Variants in CDK5RAP1 observed in about 807,000 individuals in gnomAD.
CDK5RAP1 encodes the protein mitochondrial tRNA methylthiotransferase CDK5RAP1.
CDK5RAP1 carries 62 observed loss-of-function variants against 64.5 expected under a neutral mutation model. The ratio of observed to expected loss-of-function variants is 0.96; its 90% confidence interval spans 0.78 to 1.19. The LOEUF (loss-of-function observed/expected upper bound fraction) is 1.19, where lower values mean the gene tolerates loss of function less well. Among genes scored for constraint, CDK5RAP1 ranks in the 50% most tolerant of loss-of-function variants. The pLI is 0.00. For missense variants in CDK5RAP1, 657 were observed against 735.0 expected (o/e 0.89, Z 1.23); for synonymous variants, 250 against 261.9 (o/e 0.95, Z 0.44).
rs369620313 is a variant in CDK5RAP1 at position 33,360,359 on chromosome 20, G to C, written c.1675C>G (p.Leu559Val). 10 of 1,613,842 alleles carry C rather than the reference G, an allele frequency of 6.2e-6. No homozygotes were observed. The highest frequency in any genetic ancestry group is 1.1e-5 in the South Asian group (1 of 91,076). Residue 559 changes from leucine to valine, a missense_variant, in exon 13 of 14, where the codon CTG becomes GTG. By Grantham distance (32) the Leu-to-Val change is conservative (BLOSUM62 1). Transcript: ENST00000346416. Reference sequence around the variant, plus strand: ...CCAAAAGGACTCCTCACCTTCACCAGCACATAGTCCCCAGGCTGGGCTCTG... The same window carrying C: ...CCAAAAGGACTCCTCACCTTCACCACCACATAGTCCCCAGGCTGGGCTCTG... ...RVRAQPGDYV[L>V]VKITSASSQT... is the part of the protein sequence containing the mutation.
rs369138571 is a variant in CDK5RAP1 at position 33,380,190 on chromosome 20, AAAC to A, written c.877-502_877-500del. Among the ~76,000 whole-genome samples, 51 of 152,356 alleles carry A rather than the reference AAAC, an allele frequency of 3.3e-4. 1 individual carries two copies. The highest frequency in any genetic ancestry group is 1.2e-3 in the African/African-American group (49 of 41,592). ...AAAAAGTTAATGCATCATTTAAAGA[AAAC>A]AACAACAACAAAAAATAAAAGAGCT... On this transcript the variant is annotated intron_variant, in intron 7 of 13. Transcript: ENST00000346416.
At chr20:33,379,360 C>G in intron 8 of CDK5RAP1, 101 bp downstream of exon 8, 1 of 778,194 alleles carries the variant, frequency 1.3e-6, no homozygotes, top group Non-Finnish European at 2.2e-6. Context: ...CACAGGATCC[C>G]TAAGCAGGAC....
At chr20:33,371,661 T>C (rs1028123047) in intron 10 of CDK5RAP1, among the ~76,000 whole-genome samples, 1 of 152,074 alleles carries the variant, frequency 6.6e-6, no homozygotes, top group African/African-American at 2.4e-5. Flanking sequence ...TGGTGGCCTG[T>C]AGTCCTGGCT....
intron 5 of CDK5RAP1, among the ~76,000 whole-genome samples, chr20:33,389,461 C>G (rs918808421): frequency 1.3e-5 from 2 of 151,772 alleles, no homozygotes; most frequent in Non-Finnish European, 2.9e-5. Context: ...GGAGCGTCTC[C>G]GCCCAGCAGC....
intron 13 of CDK5RAP1, chr20:33,360,139 C>T (rs1003744072): frequency 2.2e-5 from 12 of 550,484 alleles, no homozygotes; most frequent in African/African-American, 7.6e-5. Flanking sequence ...CCACAAAGAA[C>T]GCTTCCAGGG....
chr20:33,393,977 C>G lies in CDK5RAP1; in HGVS notation c.443+55G>C, dbSNP rs188093153. ...AGACAGCCAGGCCAGGCACTGTTAGCTCTGGCATTATTACATAAAATACAT... is the reference window on the plus strand; with the variant it reads ...AGACAGCCAGGCCAGGCACTGTTAGGTCTGGCATTATTACATAAAATACAT... On this transcript the variant is annotated intron_variant, in intron 4 of 13. Transcript: ENST00000346416. 7.5e-3 allele frequency: 9,426 copies of G among 1,261,478 alleles called. 82 individuals are homozygous for G. The highest frequency in any genetic ancestry group is 0.031 in the Admixed American group (1,851 of 59,530). The allele number at this position is 1,261,478 out of a possible 1,614,324, so 78.1% of individuals were successfully genotyped here.
intron 6 of CDK5RAP1, 113 bp downstream of exon 6, chr20:33,387,210 C>A: frequency 1.3e-6 from 1 of 770,368 alleles, no homozygotes; most frequent in South Asian, 1.8e-5. Flanking sequence ...GAGCCCTGAT[C>A]ATGACACTGC....
At chr20:33,389,375 C>A (rs955402563) in intron 5 of CDK5RAP1, among the ~76,000 whole-genome samples, 5 of 150,288 alleles carry the variant, frequency 3.3e-5, no homozygotes, top group Non-Finnish European at 5.9e-5. Flanking sequence ...AAGTGAGGAG[C>A]CCCTCCGCGC....
chr20:33,378,999 G>A (rs554972838), intron 8 of CDK5RAP1, among the ~76,000 whole-genome samples: 1 of 152,076 alleles, frequency 6.6e-6, no homozygotes, highest in Non-Finnish European at 1.5e-5. Context: ...ACCCAGGATG[G>A]AGTGCAGTGG....
Position 33,385,573 on chromosome 20 carries a change from T to C in CDK5RAP1, c.876+77A>G, listed in dbSNP as rs547580805. 3.2e-5 allele frequency: 50 copies of C among 1,552,162 alleles called. No homozygotes were observed. The Middle Eastern group carries it at 5.2e-4, about 16-fold the overall frequency. On this transcript the variant is annotated intron_variant, in intron 7 of 13. Transcript: ENST00000346416. Reference sequence around the variant, plus strand: ...AAACTTTAATAAGTCAGAGACAGCATAGGCTCAAAACTACAAAGGTTATCC... The same window carrying C: ...AAACTTTAATAAGTCAGAGACAGCACAGGCTCAAAACTACAAAGGTTATCC...
intron 1 of CDK5RAP1, among the ~76,000 whole-genome samples, chr20:33,399,794 G>A (rs760845616): frequency 5.9e-5 from 9 of 152,196 alleles, no homozygotes; most frequent in African/African-American, 9.7e-5. Flanking sequence ...GGGAGGCCGA[G>A]GCAGGCGGAT....
Position 33,366,873 on chromosome 20 carries a change from C to A in CDK5RAP1, c.1528G>T (p.Val510Leu), listed in dbSNP as rs1487182256. ...TATGGCCTCACCCCTTCCACTAGCA[C>A]CAACTGGGTACAGCCCACAGAGGTC... is the stretch of plus-strand genomic sequence containing the variant. ...NQTSVGCTQL[V>L]LVEGLSKRSA... The change falls in exon 12 of 14, where the codon GTG becomes TTG. Residue 510 changes from valine to leucine, a missense_variant. By Grantham distance (32) the Val-to-Leu change is conservative. Coordinates refer to ENST00000346416, the MANE Select transcript of CDK5RAP1 (RefSeq NM_016408.4). The A allele has an allele frequency of 1.9e-6, 3 of 1,613,278 alleles. No homozygotes were observed. The highest frequency in any genetic ancestry group is 2.5e-6 in the Non-Finnish European group (3 of 1,179,800).
In CDK5RAP1 at chr20:33,391,705, A is replaced by T. The variant is rs930833789; in HGVS notation, c.544+437T>A. Among the ~76,000 whole-genome samples the T allele has an allele frequency of 1.3e-5, 2 of 152,154 alleles. 1 individual carries two copies. Among genetic ancestry groups the T allele is most frequent in the Non-Finnish European group, 2.9e-5 (2 of 68,036 alleles). On this transcript the variant is annotated intron_variant, in intron 5 of 13. Coordinates refer to ENST00000346416, the MANE Select transcript of CDK5RAP1 (RefSeq NM_016408.4). ...CATGGTGGTGCAAGCCTGTAATCCC[A>T]GCTACTCGGGAGGCTGAGGCAGGAG...
At chr20:33,393,967 G>T in intron 4 of CDK5RAP1, 65 bp downstream of exon 4, 1 of 1,152,288 alleles carries the variant, frequency 8.7e-7, no homozygotes, top group Non-Finnish European at 1.3e-6. Flanking sequence ...GCCAGGCCAG[G>T]CACTGTTAGC....
At chr20:33,393,755 C>T (rs1283427620) in intron 4 of CDK5RAP1, among the ~76,000 whole-genome samples, 2 of 152,174 alleles carry the variant, frequency 1.3e-5, no homozygotes, top group Non-Finnish European at 2.9e-5. Flanking sequence ...TCGGCACATT[C>T]TTGGTGTCCT....
chr20:33,394,444 A>T (rs291698), intron 3 of CDK5RAP1, among the ~76,000 whole-genome samples: 91,380 of 149,814 alleles, frequency 0.61, 28,486 homozygotes, highest in South Asian at 0.7. Context: ...GAGCCACTAC[A>T]CCCGGCCTAT....
intron 8 of CDK5RAP1, among the ~76,000 whole-genome samples, chr20:33,377,563 G>T (rs1182325209): frequency 6.6e-6 from 1 of 152,190 alleles, no homozygotes; most frequent in Non-Finnish European, 1.5e-5. Context: ...AGGAAGTGCT[G>T]CGGCTTCTTT....
chr20:33,396,202 T>C (rs986733898), intron 2 of CDK5RAP1, among the ~76,000 whole-genome samples: 9 of 152,176 alleles, frequency 5.9e-5, no homozygotes, highest in African/African-American at 1.9e-4. Flanking sequence ...TTACAGTAAC[T>C]TCATCTTAAA....
intron 7 of CDK5RAP1, among the ~76,000 whole-genome samples, chr20:33,380,702 G>A (rs1191888836): frequency 6.6e-6 from 1 of 152,086 alleles, no homozygotes. Context: ...CTATTTGTCT[G>A]TTTGAAAATT....
Sources: allele counts gnomAD v4.1 joint callset (sites outside exome capture counted in the v4.1 genomes callset), GRCh38; gene constraint gnomAD v4.1.1; transcripts MANE v1.5; gene names NCBI Gene and HGNC (gene_info 2026-07-23, HGNC 2026-07-21).